CUBN: variants seen among roughly 807,000 people sequenced by gnomAD.
CUBN encodes 460 kDa receptor.
CUBN carries 282 observed loss-of-function variants against 405.3 expected under a neutral mutation model. The observed-to-expected ratio is 0.70, with a 90% CI of 0.63 to 0.77. The LOEUF is 0.77. Among genes scored for constraint, CUBN ranks in the 30% least tolerant of loss-of-function variants. CUBN has a pLI of 0.00. For missense variants in CUBN, 4,514 were observed against 4,475.2 expected, an observed-to-expected ratio of 1.01 and a Z score of -0.25; for synonymous variants, 1,684 against 1,617.0, an observed-to-expected ratio of 1.04 and a Z score of -0.99.
At position 17,100,076 on chromosome 10, in the gene CUBN, TAGAG is replaced by T. The variant is rs1836462159; in HGVS notation, c.1690_1693del (p.Leu564IlefsTer9). The T allele has an allele frequency of 6.2e-7, 1 of 1,613,740 alleles. No homozygotes were observed. The stretch of plus-strand genomic sequence containing the variant: ...TAAATGTTCAGAATAGAGATGAAAA[TAGAG>T]AGCATTGTCACTGCTGAGGAGTTCA... On this transcript the variant is annotated frameshift_variant, in exon 14 of 67. Coordinates refer to ENST00000377833, the MANE Select transcript of CUBN (RefSeq NM_001081.4). LOFTEE classifies it high-confidence loss of function.
chr10:16,882,585 T>C (rs778938296), intron 56 of CUBN, among the ~76,000 whole-genome samples: 1 of 152,134 alleles, frequency 6.6e-6, no homozygotes, highest in Non-Finnish European at 1.5e-5. Context: ...GGATTTAGAG[T>C]TGGACCACAG....
At position 16,828,957 on chromosome 10, in the gene CUBN, C is replaced by G; in HGVS notation, c.10612G>C (p.Glu3538Gln). 1 of 1,614,096 alleles carries G rather than the reference C, an allele frequency of 6.2e-7. No individual in the cohort carries two copies. The highest frequency in any genetic ancestry group is 8.5e-7 in the Non-Finnish European group (1 of 1,180,034). ...CCAGCAGGAGCAACAAGGACCCACT[C>G]GCAGTACGTGTTGTTTGGGTATGTG... The part of the protein sequence containing the change: ...PGTYPNNTYC[E>Q]WVLVAPAGRL... Residue 3538 changes from glutamate to glutamine, a missense_variant, in exon 66 of 67, where the codon GAG becomes CAG. Physicochemically the swap from Glu to Gln is conservative, Grantham distance 29. This residue lies in a region of CUBN where 1,186 missense variants were observed against 1,186.9 expected (regional missense o/e 1.00). Transcript: ENST00000377833.
At chr10:16,860,529 C>T (rs1259182620) in intron 59 of CUBN, among the ~76,000 whole-genome samples, 1 of 152,210 alleles carries the variant, frequency 6.6e-6, no homozygotes, top group Non-Finnish European at 1.5e-5. Context: ...GAGCTTCTAA[C>T]TCTCTTATCT....
intron 8 of CUBN, among the ~76,000 whole-genome samples, chr10:17,112,546 T>G (rs558040053): frequency 1.1e-4 from 17 of 152,264 alleles, no homozygotes; most frequent in African/African-American, 3.8e-4. Flanking sequence ...AAATAATTTA[T>G]TTTTCTGATT....
At chr10:17,129,365 C>A in intron 1 of CUBN, 115 bp from the exon 2 acceptor site, 1 of 1,240,110 alleles carries the variant, frequency 8.1e-7, no homozygotes, top group Non-Finnish European at 1.2e-6. Context: ...ACTTTTTGAT[C>A]ATCTCAACCC....
Position 16,937,677 on chromosome 10 carries a change from G to C in CUBN, c.5841C>G (p.Ser1947=), listed in dbSNP as rs199868206. 6.2e-7 allele frequency: 1 copy of C among 1,613,956 alleles called. No individual in the cohort carries two copies. Among genetic ancestry groups the C allele is most frequent in the Non-Finnish European group, 8.5e-7 (1 of 1,179,954 alleles). The part of the protein sequence containing the change: ...TGNSLTFHFY[S]DSSISGKGFL... ...ATCCCTTCCCTGAGATTGAAGAGTCGGAGTAAAAATGAAATGTCAAAGAAT... is the reference window on the plus strand; with the variant it reads ...ATCCCTTCCCTGAGATTGAAGAGTCCGAGTAAAAATGAAATGTCAAAGAAT... Residue 1947 remains serine, a synonymous_variant, in exon 39 of 67, where the codon TCC becomes TCG. Transcript: ENST00000377833.
At chr10:17,047,703 A>AG in intron 22 of CUBN, 100 bp from the exon 23 acceptor site, 1 of 1,113,014 alleles carries the variant, frequency 9.0e-7, no homozygotes, top group South Asian at 1.4e-5. Context: ...CCTATACTTG[A>AG]TTTTCAATAA....
chr10:17,023,204 T>G (rs1588590848), intron 27 of CUBN, among the ~76,000 whole-genome samples: 1 of 137,708 alleles, frequency 7.3e-6, no homozygotes, highest in Admixed American at 7.6e-5. Flanking sequence ...TGGGTGGGGG[T>G]GGAGGGGCTA....
chr10:16,927,329 G>C (rs996670504), intron 41 of CUBN, among the ~76,000 whole-genome samples: 1 of 152,080 alleles, frequency 6.6e-6, no homozygotes, highest in African/African-American at 2.4e-5. Context: ...ATCTCACACA[G>C]CTAGTTAAAT....
intron 2 of CUBN, 104 bp downstream of exon 2, chr10:17,129,014 AAAT>A (rs1230188958): frequency 4.6e-6 from 4 of 867,756 alleles, no homozygotes; most frequent in African/African-American, 1.7e-5. Context: ...TATTAATAAA[AAAT>A]AATAATTAAA....
chr10:16,892,504 G>A (rs1228278163), intron 54 of CUBN, among the ~76,000 whole-genome samples: 3 of 151,718 alleles, frequency 2.0e-5, no homozygotes, highest in Admixed American at 2.0e-4. Context: ...ATATATATAT[G>A]TATTTTTTTG....
intron 31 of CUBN, among the ~76,000 whole-genome samples, chr10:16,962,137 C>T (rs1340844247): frequency 6.6e-6 from 1 of 152,092 alleles, no homozygotes; most frequent in Non-Finnish European, 1.5e-5. Flanking sequence ...TCATCTGTTG[C>T]TAAATTTCTT....
chr10:16,967,913 AAG>A (rs1564452623), intron 31 of CUBN, among the ~76,000 whole-genome samples: 1 of 103,122 alleles, frequency 9.7e-6, no homozygotes, highest in Non-Finnish European at 2.1e-5. Flanking sequence ...GAGAGGGGGA[AAG>A]AGGAAGAGAG....
At chr10:16,928,415 G>A (rs186087660) in intron 40 of CUBN, 112 bp from the exon 41 acceptor site, 20 of 1,150,440 alleles carry the variant, frequency 1.7e-5, no homozygotes, top group East Asian at 7.4e-5. Context: ...ATCAGGACTC[G>A]TAGGAGATAA....
intron 29 of CUBN, among the ~76,000 whole-genome samples, chr10:16,987,001 G>A (rs1373037547): frequency 1.3e-5 from 2 of 152,264 alleles, no homozygotes; most frequent in Non-Finnish European, 2.9e-5. Context: ...TGCCACTTTG[G>A]ACATTATTTA....
chr10:17,093,676 G>GT (rs1836313423), intron 14 of CUBN, among the ~76,000 whole-genome samples: 1 of 151,212 alleles, frequency 6.6e-6, no homozygotes, highest in Non-Finnish European at 1.5e-5. Context: ...TGAGGAAGTA[G>GT]TAAAAAAAAA....
chr10:17,097,158 G>A (rs1470534960), intron 14 of CUBN, among the ~76,000 whole-genome samples: 5 of 151,988 alleles, frequency 3.3e-5, no homozygotes, highest in African/African-American at 9.7e-5. Flanking sequence ...CCAATAGTTG[G>A]AATTTTGAAA....
chr10:16,943,590 G>A (rs770216862), intron 36 of CUBN, among the ~76,000 whole-genome samples: 1 of 152,172 alleles, frequency 6.6e-6, no homozygotes, highest in African/African-American at 2.4e-5. Context: ...AAAGCAGAAA[G>A]GGAAGAAAGG....
At chr10:16,988,264 T>A (rs1833485714) in intron 29 of CUBN, among the ~76,000 whole-genome samples, 1 of 152,194 alleles carries the variant, frequency 6.6e-6, no homozygotes, top group African/African-American at 2.4e-5. Context: ...CTCCAGCCCT[T>A]TGTAAGTGAT....
Sources: gnomAD v4.1 joint callset for allele counts (sites outside exome capture counted in the v4.1 genomes callset) on GRCh38, gnomAD v4.1.1 for gene constraint, gnomAD v4.1.1 regional missense constraint, MANE v1.5 for transcripts, NCBI Gene and HGNC (gene_info 2026-07-23, HGNC 2026-07-21) for gene names.